The following PLAC1 variants were observed in gnomAD, a reference collection of about 807,000 sequenced individuals.
The protein encoded by PLAC1 is placenta associated 1.
For missense variants in PLAC1, 136 were observed against 163.2 expected, an observed-to-expected ratio of 0.83 and a Z score of 0.91; for synonymous variants, 68 against 62.1, an observed-to-expected ratio of 1.09 and a Z score of -0.44.
intron 2 of PLAC1, among the ~76,000 whole-genome samples, chrX:134,675,436 C>T (rs903469252): frequency 1.8e-5 from 2 of 112,105 alleles, no homozygotes; most frequent in African/African-American, 3.2e-5. Flanking sequence ...GAGGCCGAGG[C>T]GGGTGGATCA....
At chrX:134,573,201 G>A (rs1292803864) in intron 2 of PLAC1, among the ~76,000 whole-genome samples, 1 of 112,307 alleles carries the variant, frequency 8.9e-6, no homozygotes, top group Admixed American at 9.4e-5. Context: ...CTTTTGTGCA[G>A]AGAAGCTGAG....
At chrX:134,705,802 C>G (rs959167614) in intron 2 of PLAC1, among the ~76,000 whole-genome samples, 1 of 111,557 alleles carries the variant, frequency 9.0e-6, no homozygotes, top group African/African-American at 3.3e-5. Context: ...AATTTTTGAA[C>G]GTCATAAAAG....
At chrX:134,629,110 A>T (rs759610080) in intron 1 of PLAC1, among the ~76,000 whole-genome samples, 1 of 111,723 alleles carries the variant, frequency 9.0e-6, no homozygotes, top group African/African-American at 3.3e-5. Context: ...TCCAAGTCCC[A>T]CTTACATTGA....
At chrX:134,677,038 T>C (rs149982764) in intron 2 of PLAC1, among the ~76,000 whole-genome samples, 1,889 of 112,909 alleles carry the variant, frequency 0.017, 11 homozygotes, top group Middle Eastern at 0.037. Context: ...AAGTGTTTGT[T>C]ACAAACTGAA....
At chrX:134,601,413 C>T (rs1451994375) in intron 2 of PLAC1, 2 of 112,022 alleles carry the variant, frequency 1.8e-5, no homozygotes, top group African/African-American at 6.5e-5. Flanking sequence ...TTAAGGCTTT[C>T]GAGCATTTTG....
intron 2 of PLAC1, among the ~76,000 whole-genome samples, chrX:134,721,431 C>T (rs1207904542): frequency 9.0e-6 from 1 of 111,135 alleles, no homozygotes; most frequent in Non-Finnish European, 1.9e-5. Flanking sequence ...AAAAATTAGC[C>T]AGTATGGTGG....
intron 2 of PLAC1, among the ~76,000 whole-genome samples, chrX:134,705,006 A>ATATATATATATT (rs1569408444): frequency 2.0e-5 from 2 of 98,238 alleles, no homozygotes; most frequent in African/African-American, 8.2e-5. Flanking sequence ...AAAATTATAT[A>ATATATATATATT]TATATATATA....
upstream of PLAC1, among the ~76,000 whole-genome samples, chrX:134,658,712 C>A (rs968585398): frequency 4.5e-5 from 5 of 111,535 alleles, no homozygotes; most frequent in African/African-American, 9.8e-5. Context: ...TGTTAGAAGC[C>A]ATGTCACCTT....
At chrX:134,650,598 C>T (rs1435801112) in intron 1 of PLAC1, among the ~76,000 whole-genome samples, 1 of 111,848 alleles carries the variant, frequency 8.9e-6, no homozygotes, top group Admixed American at 9.5e-5. Flanking sequence ...CCACAGCACC[C>T]AACACAGTGC....
At chrX:134,631,332 T>C (rs2078260634) in intron 1 of PLAC1, among the ~76,000 whole-genome samples, 1 of 111,591 alleles carries the variant, frequency 9.0e-6, no homozygotes, top group African/African-American at 3.3e-5. Context: ...AACCCAGAGC[T>C]TTAAGCCAAG....
chrX:134,580,963 C>G (rs139512836), intron 2 of PLAC1, among the ~76,000 whole-genome samples: 2,773 of 111,919 alleles, frequency 0.025, 92 homozygotes, highest in African/African-American at 0.086. Flanking sequence ...GGCCTGTAGA[C>G]TCACCCAATA....
chrX:134,673,265 G>T (rs749627991), intron 2 of PLAC1, among the ~76,000 whole-genome samples: 1 of 104,364 alleles, frequency 9.6e-6, no homozygotes, highest in South Asian at 4.7e-4. Flanking sequence ...GGGAAGGAGG[G>T]AGGGAGGAAT....
chrX:134,593,039 T>C (rs1438227350), intron 2 of PLAC1, among the ~76,000 whole-genome samples: 1 of 111,447 alleles, frequency 9.0e-6, no homozygotes, highest in Non-Finnish European at 1.9e-5. Flanking sequence ...GTGTCTCTTT[T>C]TCTCTCTCTA....
At chrX:134,660,452 T>C (rs1443540868), upstream of PLAC1, among the ~76,000 whole-genome samples, 1 of 111,714 alleles carries the variant, frequency 9.0e-6, no homozygotes, top group African/African-American at 3.3e-5. Flanking sequence ...AAGAATAGAA[T>C]AGTTTGAAAA....
intron 2 of PLAC1, among the ~76,000 whole-genome samples, chrX:134,714,741 G>T (rs2078638447): frequency 9.0e-6 from 1 of 111,640 alleles, no homozygotes; most frequent in African/African-American, 3.3e-5. Flanking sequence ...GAATCTTGCA[G>T]TGTTTGTCTT....
intron 2 of PLAC1, among the ~76,000 whole-genome samples, chrX:134,707,758 T>A (rs964295432): frequency 3.6e-5 from 4 of 112,469 alleles, no homozygotes; most frequent in South Asian, 3.7e-4. Context: ...GATTTTTTTT[T>A]AAAATTATGT....
intron 2 of PLAC1, among the ~76,000 whole-genome samples, chrX:134,594,707 G>A (rs1314110289): frequency 9.0e-6 from 1 of 110,588 alleles, no homozygotes; most frequent in Admixed American, 9.7e-5. Context: ...AGTATCCCCT[G>A]TTCTGTTTCT....
At chrX:134,729,254 A>G (rs781227620) in intron 2 of PLAC1, among the ~76,000 whole-genome samples, 1 of 112,147 alleles carries the variant, frequency 8.9e-6, no homozygotes, top group East Asian at 2.8e-4. Flanking sequence ...CAAGGAAATG[A>G]TAAGACTAGA....
Position 134,613,725 on chromosome X carries a change from C to T in PLAC1, c.-130-11603G>A, listed in dbSNP as rs907653897. 7.2e-5 allele frequency among the ~76,000 whole-genome samples: 8 copies of T among 110,606 alleles called. No homozygotes were observed. The East Asian group carries it at 2.3e-3, about 32-fold the overall frequency. Reference sequence around the variant, plus strand: ...AGCAAAGGCTCTAGAGACCAGTGAGCGCTTTCATCCTTCCCCTTTCTCTGT... The same window carrying T: ...AGCAAAGGCTCTAGAGACCAGTGAGTGCTTTCATCCTTCCCCTTTCTCTGT... On this transcript the variant is annotated intron_variant, in intron 1 of 2. Transcript: ENST00000359237.
Sources: gnomAD v4.1 joint callset for allele counts (sites outside exome capture counted in the v4.1 genomes callset) on GRCh38, gnomAD v4.1.1 for gene constraint, MANE v1.5 for transcripts, NCBI Gene and HGNC (gene_info 2026-07-23, HGNC 2026-07-21) for gene names.